RHPN2: variants seen among roughly 807,000 people sequenced by gnomAD.
RHPN2 encodes the protein rhophilin Rho GTPase binding protein 2.
RHPN2 carries 40 observed loss-of-function variants against 79.0 expected under a neutral mutation model. The ratio of observed to expected loss-of-function variants is 0.51; its 90% CI spans 0.39 to 0.66. RHPN2 has a LOEUF of 0.66. RHPN2 is among the 30% of genes least tolerant of loss of function. The pLI, the probability that RHPN2 is intolerant of heterozygous loss-of-function variation, is 0.00. For missense variants in RHPN2, 686 were observed against 883.5 expected, an observed-to-expected ratio of 0.78 and a Z score of 2.83; for synonymous variants, 285 against 363.5, an observed-to-expected ratio of 0.78 and a Z score of 2.46.
intron 1 of RHPN2, among the ~76,000 whole-genome samples, chr19:33,050,681 C>CT (rs895420469): frequency 1.3e-5 from 2 of 152,068 alleles, no homozygotes; most frequent in East Asian, 3.9e-4. Flanking sequence ...TAGTTTGTTC[C>CT]TTTTTTTGTT....
chr19:32,980,357 C>A, intron 14 of RHPN2, 101 bp from the exon 15 acceptor site: 1 of 1,400,570 alleles, frequency 7.1e-7, no homozygotes, highest in Non-Finnish European at 1.0e-6. Context: ...CCTGTAATCC[C>A]AACAGTTTGG....
intron 1 of RHPN2, among the ~76,000 whole-genome samples, chr19:33,063,799 G>A (rs1220188151): frequency 7.9e-6 from 1 of 126,542 alleles, no homozygotes; most frequent in Non-Finnish European, 1.6e-5. Context: ...TGCGAGGCCG[G>A]CACCCGCCAC....
chr19:33,018,794 C>T (rs1474193446), intron 4 of RHPN2, among the ~76,000 whole-genome samples: 1 of 152,094 alleles, frequency 6.6e-6, no homozygotes, highest in Non-Finnish European at 1.5e-5. Flanking sequence ...CCTGTAATCC[C>T]AGCACTTTGG....
chr19:32,998,469 C>T (rs912359789), intron 10 of RHPN2, among the ~76,000 whole-genome samples: 4 of 151,928 alleles, frequency 2.6e-5, no homozygotes, highest in South Asian at 2.1e-4. Context: ...ATAGTGAGAC[C>T]GCATCTCTAC....
At position 32,979,791 on chromosome 19, in the gene RHPN2, A is replaced by G; in HGVS notation, c.*205T>C. 1 of 608,766 alleles carries G rather than the reference A, an allele frequency of 1.6e-6. No individual in the cohort carries two copies. Among genetic ancestry groups the G allele is most frequent in the South Asian group, 2.0e-5 (1 of 48,994 alleles). The allele number at this position is 608,766 out of a possible 1,614,324, so 37.7% of individuals were successfully genotyped here. ...AAATAACTTACAGCAGTATAGTAAC[A>G]CACCTCAAAAAAGTTCTTTTTTCAC... On this transcript the variant is annotated 3_prime_UTR_variant, in exon 15 of 15. Transcript: ENST00000254260.
intron 14 of RHPN2, among the ~76,000 whole-genome samples, chr19:32,985,287 C>G (rs1354920158): frequency 2.0e-5 from 3 of 152,154 alleles, no homozygotes; most frequent in African/African-American, 7.2e-5. Context: ...GCACTCCAGC[C>G]TGGGCAACTG....
chr19:33,027,559 A>T (rs1971978805), intron 2 of RHPN2, among the ~76,000 whole-genome samples: 1 of 151,904 alleles, frequency 6.6e-6, no homozygotes, highest in Non-Finnish European at 1.5e-5. Flanking sequence ...AGTAAAATAA[A>T]ATAAATGAAT....
At chr19:33,041,364 C>G (rs937692933) in intron 2 of RHPN2, among the ~76,000 whole-genome samples, 1 of 152,182 alleles carries the variant, frequency 6.6e-6, no homozygotes. Flanking sequence ...GGGGCCAGAG[C>G]GGAGCTTGGC....
At chr19:32,995,937 G>C in intron 11 of RHPN2, 89 bp downstream of exon 11, 3 of 1,272,316 alleles carry the variant, frequency 2.4e-6, no homozygotes, top group South Asian at 2.4e-5. Context: ...CAAGCACACA[G>C]CGAGGGCTCG....
chr19:32,980,073 C>G lies in RHPN2; in HGVS notation c.1984G>C (p.Gly662Arg), dbSNP rs145226250. 6.8e-6 allele frequency: 11 copies of G among 1,613,710 alleles called. No individual in the cohort carries two copies. The highest frequency in any genetic ancestry group is 9.3e-6 in the Non-Finnish European group (11 of 1,179,824). The change falls in exon 15 of 15, where the codon GGG becomes CGG. Residue 662 changes from glycine to arginine, a missense_variant. Gly to Arg is a moderately radical substitution (Grantham distance 125, BLOSUM62 -2). Transcript: ENST00000254260. ...TTCTTGACCTGAGGCCGTGCAGCCCCGACCGATGGGAGGCACAAGGTGCTG... is the reference window on the plus strand; with the variant it reads ...TTCTTGACCTGAGGCCGTGCAGCCCGGACCGATGGGAGGCACAAGGTGCTG... ...SASTLCLPSV[G>R]AARPQVKKKL... is the part of the protein sequence containing the mutation.
chr19:33,033,220 A>G (rs185263076), intron 2 of RHPN2, among the ~76,000 whole-genome samples: 133 of 152,264 alleles, frequency 8.7e-4, no homozygotes, highest in Middle Eastern at 3.4e-3. Context: ...TACTCCCTCT[A>G]GGCAGTGAGG....
intron 10 of RHPN2, among the ~76,000 whole-genome samples, chr19:32,997,650 T>C (rs1164503447): frequency 6.6e-6 from 1 of 151,778 alleles, no homozygotes; most frequent in African/African-American, 2.4e-5. Flanking sequence ...CCACCACATC[T>C]GGCTAAGTTT....
At chr19:33,054,773 G>T (rs1397730606) in intron 1 of RHPN2, among the ~76,000 whole-genome samples, 2 of 152,256 alleles carry the variant, frequency 1.3e-5, no homozygotes, top group Non-Finnish European at 2.9e-5. Context: ...AAAGGAGGAA[G>T]TGTTGATCAG....
At chr19:33,062,491 C>T (rs567498721) in intron 1 of RHPN2, among the ~76,000 whole-genome samples, 15 of 148,946 alleles carry the variant, frequency 1.0e-4, no homozygotes, top group Non-Finnish European at 7.4e-5. Context: ...CACCTGTAGC[C>T]GGGCGCAGTG....
At chr19:33,024,495 G>C (rs1015270295) in intron 3 of RHPN2, among the ~76,000 whole-genome samples, 3 of 152,116 alleles carry the variant, frequency 2.0e-5, no homozygotes, top group African/African-American at 7.2e-5. Context: ...AGCCAGGCAT[G>C]TGGTGTCACA....
chr19:33,005,638 G>GGCTTTTTT (rs1971784792), intron 7 of RHPN2, among the ~76,000 whole-genome samples: 1 of 147,078 alleles, frequency 6.8e-6, no homozygotes, highest in South Asian at 2.1e-4. Context: ...CCTGCCCTGC[G>GGCTTTTTT]GAGGGATGGC....
chr19:33,055,261 G>A (rs769879126), intron 1 of RHPN2, among the ~76,000 whole-genome samples: 1 of 152,120 alleles, frequency 6.6e-6, no homozygotes, highest in South Asian at 2.1e-4. Flanking sequence ...TTGGGAGGCT[G>A]AGGCAGGAGG....
chr19:33,011,789 A>G lies in RHPN2; in HGVS notation c.483T>C (p.Pro161=). 1.9e-6 allele frequency: 3 copies of G among 1,613,982 alleles called. No homozygotes were observed. The South Asian group carries it at 3.3e-5, about 18-fold the overall frequency. ...LMDLRQACRT[P]SRDEAGVELL... is the part of the protein sequence containing the mutation. ...GTTCCACCCCGGCCTCATCCCGGCT[A>G]GGCGTCCGACAAGCCTGCAAGGAAA... The change falls in exon 6 of 15, where the codon CCT becomes CCC. Residue 161 remains proline, a synonymous_variant. Coordinates refer to ENST00000254260, the MANE Select transcript of RHPN2 (RefSeq NM_033103.5).
chr19:33,034,664 C>A (rs1026646694), intron 2 of RHPN2, among the ~76,000 whole-genome samples: 1 of 150,216 alleles, frequency 6.7e-6, no homozygotes, highest in South Asian at 2.1e-4. Context: ...CCCTGTAGTC[C>A]CAGCTACTCA....
Sources: gnomAD v4.1 joint callset for allele counts (sites outside exome capture counted in the v4.1 genomes callset) on GRCh38, gnomAD v4.1.1 for gene constraint, MANE v1.5 for transcripts, NCBI Gene and HGNC (gene_info 2026-07-23, HGNC 2026-07-21) for gene names.